The following DOCK10 variants were observed in gnomAD, a reference collection of about 807,000 sequenced individuals.
DOCK10 encodes dedicator of cytokinesis 10, also known as dedicator of cytokinesis protein 10.
Under a neutral mutation model 280.1 loss-of-function variants are expected in DOCK10, and 145 were observed. That is an observed-to-expected ratio of 0.52 (90% confidence interval 0.45 to 0.59). The LOEUF is 0.59. Among genes scored for constraint, DOCK10 ranks in the 20% least tolerant of loss-of-function variants. The pLI is 0.00. For missense variants in DOCK10, 2,368 were observed against 2,651.7 expected, an observed-to-expected ratio of 0.89 and a Z score of 2.35; for synonymous variants, 915 against 942.2, an observed-to-expected ratio of 0.97 and a Z score of 0.53.
Position 224,770,588 on chromosome 2 carries a change from T to C in DOCK10, c.6262A>G (p.Lys2088Glu). The C allele has an allele frequency of 6.2e-7, 1 of 1,614,018 alleles. No homozygotes were observed. Among genetic ancestry groups the C allele is most frequent in the Non-Finnish European group, 8.5e-7 (1 of 1,179,878 alleles). Residue 2088 changes from lysine to glutamate, a missense_variant, in exon 54 of 56, where the codon AAG (lysine) becomes GAG (glutamate). Lys to Glu is a moderately conservative substitution (Grantham distance 56). Coordinates refer to ENST00000258390, the MANE Select transcript of DOCK10 (RefSeq NM_014689.3). The surrounding 1 kb of genome is among the most constrained non-coding windows in gnomAD (Gnocchi z 4.5). ...RAFLEETNAKKYPDNQVKLLK... is the reference protein window; with the variant it reads ...RAFLEETNAKEYPDNQVKLLK... ...AGCTTTACTTGGTTGTCAGGGTACT[T>C]CTTTGCATTGGTTTCTTCAAGAAAA...
At chr2:224,839,657 A>G (rs1485720918) in intron 24 of DOCK10, among the ~76,000 whole-genome samples, 9 of 152,206 alleles carry the variant, frequency 5.9e-5, no homozygotes, top group Non-Finnish European at 1.3e-4. Context: ...GCCAGTGGGG[A>G]AAACCAGGTA....
At chr2:224,900,159 G>A (rs1469155742) in intron 3 of DOCK10, among the ~76,000 whole-genome samples, 3 of 152,070 alleles carry the variant, frequency 2.0e-5, no homozygotes, top group Non-Finnish European at 4.4e-5. Context: ...GTACACTCAT[G>A]CATGTTATGC....
intron 3 of DOCK10, among the ~76,000 whole-genome samples, chr2:224,903,770 T>C (rs1700441425): frequency 6.6e-6 from 1 of 152,212 alleles, no homozygotes; most frequent in Non-Finnish European, 1.5e-5. Flanking sequence ...TGTGTTTTAC[T>C]GATTTACTGC....
At chr2:224,987,475 C>A (rs939109484) in intron 1 of DOCK10, among the ~76,000 whole-genome samples, 3 of 152,154 alleles carry the variant, frequency 2.0e-5, no homozygotes, top group African/African-American at 7.2e-5. Context: ...CCAAATACCC[C>A]AAGAAGGGCA....
intron 25 of DOCK10, among the ~76,000 whole-genome samples, chr2:224,835,134 G>A (rs189685173): frequency 1.1e-3 from 163 of 152,216 alleles, no homozygotes; most frequent in African/African-American, 3.7e-3. Flanking sequence ...TGTCATGGTG[G>A]GATTTGACTT....
At position 224,851,619 on chromosome 2, in the gene DOCK10, G is replaced by A. The variant is rs538370642; in HGVS notation, c.2142+758C>T. Reference sequence around the variant, plus strand: ...TAAGAGACTACCACAGAGAATGGTGGGGGTTAGTTAGAAATTAGTTTTGTC... The same window carrying A: ...TAAGAGACTACCACAGAGAATGGTGAGGGTTAGTTAGAAATTAGTTTTGTC... On this transcript the variant is annotated intron_variant, in intron 18 of 55. Transcript: ENST00000258390. Among the ~76,000 whole-genome samples the A allele has an allele frequency of 1.4e-4, 21 of 152,020 alleles. No homozygotes were observed. The South Asian group carries it at 4.4e-3, about 32-fold the overall frequency.
In DOCK10 at chr2:224,765,921, G is replaced by A. The variant is rs148354563; in HGVS notation, c.6445-84C>T. ...ACACAAAATTAAAACCCAGAATAGA[G>A]GTTTTCATTCCCCACAGGGTAATTT... On this transcript the variant is annotated intron_variant, in intron 55 of 55. Coordinates refer to ENST00000258390, the MANE Select transcript of DOCK10 (RefSeq NM_014689.3). 1,664 of 974,178 alleles carry A rather than the reference G, an allele frequency of 1.7e-3. 17 individuals are homozygous for A. In the African/African-American group the frequency reaches 0.02, roughly 12 times the overall value. 60.3% of individuals were successfully genotyped at this position (974,178 alleles called of 1,614,324 possible). A position where few individuals can be genotyped will look rare whatever the true frequency, so the allele number is the denominator to read the frequency against.
chr2:225,027,929 C>T (rs1689961412), intron 1 of DOCK10, among the ~76,000 whole-genome samples: 1 of 152,180 alleles, frequency 6.6e-6, no homozygotes, highest in South Asian at 2.1e-4. Flanking sequence ...GATTTAAGAA[C>T]TGTCTCTGGT....
intron 2 of DOCK10, among the ~76,000 whole-genome samples, chr2:224,924,333 CCATATCCACTAG>C (rs1262473670): frequency 6.6e-6 from 1 of 152,174 alleles, no homozygotes; most frequent in East Asian, 1.9e-4. Context: ...AAAAGAAACC[CCATATCCACTAG>C]CATTCTCTTC....
chr2:224,856,884 A>G lies in DOCK10; in HGVS notation c.1784T>C (p.Val595Ala). Reference protein sequence around the residue: ...ESSKISTEDLVKLVSDYRRAD... With the variant: ...ESSKISTEDLAKLVSDYRRAD... ...CCTTCTATAATCTGATACTAGTTTA[A>G]CTAGGTCCTCAGTTGAAATCTTGCT... Residue 595 changes from valine (V) to alanine (A), a missense_variant, in exon 15 of 56, where the codon GTT becomes GCT. Coordinates refer to ENST00000258390, the MANE Select transcript of DOCK10 (RefSeq NM_014689.3). The G allele has an allele frequency of 6.2e-7, 1 of 1,611,706 alleles. No individual in the cohort carries two copies. Among genetic ancestry groups the G allele is most frequent in the Non-Finnish European group, 8.5e-7 (1 of 1,178,350 alleles).
intron 1 of DOCK10, among the ~76,000 whole-genome samples, chr2:224,989,882 C>G (rs1390873928): frequency 6.6e-6 from 1 of 152,120 alleles, no homozygotes; most frequent in Non-Finnish European, 1.5e-5. Context: ...CTCTTTTTAT[C>G]CCCCGACAAC....
chr2:224,766,006 C>T (rs76039923), intron 55 of DOCK10, among the ~76,000 whole-genome samples, 169 bp from the exon 56 acceptor site: 1,837 of 152,290 alleles, frequency 0.012, 19 homozygotes, highest in Non-Finnish European at 0.02. Flanking sequence ...CCCAAGACCA[C>T]GTGCTAGCTT....
intron 1 of DOCK10, among the ~76,000 whole-genome samples, chr2:225,041,339 G>A (rs920490091): frequency 1.3e-5 from 2 of 152,158 alleles, no homozygotes; most frequent in African/African-American, 4.8e-5. Context: ...GCTGAGCCCC[G>A]GTCTTGCTGT....
intron 1 of DOCK10, among the ~76,000 whole-genome samples, chr2:224,967,916 T>C (rs1704871653): frequency 6.6e-6 from 1 of 152,152 alleles, no homozygotes; most frequent in African/African-American, 2.4e-5. Context: ...AATTTAAAAA[T>C]ATATAAAAAG....
At chr2:224,989,702 G>A (rs1706077545) in intron 1 of DOCK10, among the ~76,000 whole-genome samples, 1 of 152,172 alleles carries the variant, frequency 6.6e-6, no homozygotes, top group Admixed American at 6.5e-5. Context: ...ATGGCTAGGA[G>A]GGAGTTAATC....
intron 1 of DOCK10, chr2:224,946,968 G>A: frequency 1.3e-6 from 2 of 1,534,148 alleles, no homozygotes; most frequent in East Asian, 2.5e-5. Flanking sequence ...GCTATAATTT[G>A]AGTCACAAAA....
intron 1 of DOCK10, among the ~76,000 whole-genome samples, chr2:225,028,304 G>C (rs1434385163): frequency 1.3e-5 from 2 of 152,118 alleles, no homozygotes; most frequent in Non-Finnish European, 2.9e-5. Flanking sequence ...AGGAGGCCAG[G>C]TTTAAGCAAT....
intron 1 of DOCK10, among the ~76,000 whole-genome samples, chr2:224,962,741 C>T (rs1704520343): frequency 2.0e-5 from 3 of 152,164 alleles, no homozygotes; most frequent in African/African-American, 7.2e-5. Flanking sequence ...TTTACATTAA[C>T]AGCAAAATCA....
intron 1 of DOCK10, among the ~76,000 whole-genome samples, chr2:224,936,353 G>A (rs770487275): frequency 2.6e-5 from 4 of 152,126 alleles, no homozygotes; most frequent in African/African-American, 4.8e-5. Context: ...GAAAGATAAA[G>A]AAAGGGCACT....
Sources: gnomAD v4.1 joint callset for allele counts (sites outside exome capture counted in the v4.1 genomes callset) on GRCh38, gnomAD v4.1.1 for gene constraint, Gnocchi (gnomAD v3.1) non-coding constraint, MANE v1.5 for transcripts, NCBI Gene and HGNC (gene_info 2026-07-23, HGNC 2026-07-21) for gene names.